GUCY1A2: variants seen among roughly 807,000 people sequenced by gnomAD.
GUCY1A2 encodes the protein guanylate cyclase 1 soluble subunit alpha 2.
A neutral mutation model predicts 63.5 loss-of-function variants in GUCY1A2; 27 were observed. That is an observed-to-expected ratio of 0.43 (90% CI 0.31 to 0.59). The LOEUF (loss-of-function observed/expected upper bound fraction) is 0.59, where lower values mean the gene tolerates loss of function less well. GUCY1A2 is among the 20% of genes least tolerant of loss of function. GUCY1A2 has a pLI of 0.11. For missense variants in GUCY1A2, 768 were observed against 913.3 expected (o/e 0.84, Z 2.05); for synonymous variants, 364 against 343.5 (o/e 1.06, Z -0.66).
intron 6 of GUCY1A2, among the ~76,000 whole-genome samples, chr11:106,732,748 A>T (rs1375642854): frequency 6.6e-6 from 1 of 152,206 alleles, no homozygotes; most frequent in African/African-American, 2.4e-5. Context: ...AAATTAAGGA[A>T]TGAAATATGA....
intron 4 of GUCY1A2, among the ~76,000 whole-genome samples, chr11:106,821,345 TC>T (rs1858900761): frequency 6.6e-6 from 1 of 152,210 alleles, no homozygotes; most frequent in African/African-American, 2.4e-5. Context: ...CTGCCTTTTT[TC>T]CCACAGGGTG....
At chr11:106,894,810 A>T (rs1481832955) in intron 4 of GUCY1A2, among the ~76,000 whole-genome samples, 1 of 152,286 alleles carries the variant, frequency 6.6e-6, no homozygotes, top group African/African-American at 2.4e-5. Flanking sequence ...AGGAGAAAAG[A>T]TCTAAGATCA....
intron 3 of GUCY1A2, among the ~76,000 whole-genome samples, chr11:106,955,267 C>A (rs1006559152): frequency 2.0e-5 from 3 of 152,154 alleles, no homozygotes; most frequent in South Asian, 4.1e-4. Context: ...CCACCATGCC[C>A]GGCCCAGTCT....
intron 1 of GUCY1A2, among the ~76,000 whole-genome samples, chr11:106,987,349 C>T (rs908759005): frequency 2.0e-5 from 3 of 152,156 alleles, no homozygotes; most frequent in Non-Finnish European, 2.9e-5. Context: ...AAAAATATAT[C>T]GTCTAAAGGA....
intron 7 of GUCY1A2, among the ~76,000 whole-genome samples, chr11:106,704,204 G>A (rs1057404468): frequency 6.6e-6 from 1 of 152,134 alleles, no homozygotes; most frequent in Non-Finnish European, 1.5e-5. Flanking sequence ...TAAATTATGA[G>A]ATTCAAGTGA....
At chr11:106,723,487 G>T (rs1863352888) in intron 6 of GUCY1A2, among the ~76,000 whole-genome samples, 1 of 152,106 alleles carries the variant, frequency 6.6e-6, no homozygotes, top group Admixed American at 6.6e-5. Flanking sequence ...AATATTCCAA[G>T]CACCCACCAG....
At chr11:106,917,796 G>A (rs1205879947) in intron 4 of GUCY1A2, among the ~76,000 whole-genome samples, 2 of 99,908 alleles carry the variant, frequency 2.0e-5, no homozygotes, top group African/African-American at 3.3e-5. Flanking sequence ...CCTGTTGTGG[G>A]GTGGGGGGAG....
At chr11:106,968,717 A>G (rs914839993) in intron 3 of GUCY1A2, among the ~76,000 whole-genome samples, 2 of 3,574 alleles carry the variant, frequency 5.6e-4, no homozygotes, top group African/African-American at 2.9e-3. Context: ...AATGAAGCCT[A>G]GTCCTCACAT....
intron 4 of GUCY1A2, among the ~76,000 whole-genome samples, chr11:106,849,916 T>C (rs1859328882): frequency 6.6e-6 from 1 of 151,770 alleles, no homozygotes; most frequent in South Asian, 2.1e-4. Flanking sequence ...ATTAACCCAT[T>C]CAAAGTATAC....
intron 5 of GUCY1A2, among the ~76,000 whole-genome samples, chr11:106,784,428 T>C (rs1483629739): frequency 6.6e-6 from 1 of 151,900 alleles, no homozygotes; most frequent in Non-Finnish European, 1.5e-5. Context: ...AAAATTGCCA[T>C]ACCTCGGTCT....
At chr11:106,898,924 T>C (rs1591319004) in intron 4 of GUCY1A2, among the ~76,000 whole-genome samples, 1 of 152,288 alleles carries the variant, frequency 6.6e-6, no homozygotes, top group African/African-American at 2.4e-5. Flanking sequence ...AGAATGTTGA[T>C]AATAGAAGGC....
intron 4 of GUCY1A2, among the ~76,000 whole-genome samples, chr11:106,891,873 G>T (rs1302212229): frequency 6.6e-6 from 1 of 152,010 alleles, no homozygotes; most frequent in East Asian, 1.9e-4. Flanking sequence ...AAATGTCTTA[G>T]CTAACCTAAG....
At chr11:106,791,280 T>TG (rs1864655171) in intron 5 of GUCY1A2, among the ~76,000 whole-genome samples, 1 of 152,176 alleles carries the variant, frequency 6.6e-6, no homozygotes, top group Non-Finnish European at 1.5e-5. Flanking sequence ...ATACAAAGTC[T>TG]CACAATCACT....
At chr11:106,718,168 C>G (rs1863249690) in intron 6 of GUCY1A2, among the ~76,000 whole-genome samples, 2 of 152,088 alleles carry the variant, frequency 1.3e-5, no homozygotes, top group Admixed American at 1.3e-4. Context: ...TACAGAAGCA[C>G]CATTCATAGA....
intron 6 of GUCY1A2, among the ~76,000 whole-genome samples, chr11:106,731,172 C>T (rs1048119517): frequency 2.6e-5 from 4 of 152,024 alleles, no homozygotes; most frequent in Admixed American, 6.6e-5. Context: ...TTTGCCCAGT[C>T]TTATGTCTGA....
intron 6 of GUCY1A2, among the ~76,000 whole-genome samples, chr11:106,745,657 T>C (rs1863775161): frequency 6.6e-6 from 1 of 152,214 alleles, no homozygotes; most frequent in African/African-American, 2.4e-5. Context: ...ATTCCATAAA[T>C]AATGACTAAC....
intron 5 of GUCY1A2, among the ~76,000 whole-genome samples, chr11:106,803,136 T>C (rs975071274): frequency 6.6e-5 from 10 of 152,162 alleles, no homozygotes; most frequent in Non-Finnish European, 5.9e-5. Context: ...TCTCTGAATA[T>C]AGAAGAAAAA....
chr11:106,749,350 T>C (rs980021521), intron 6 of GUCY1A2, among the ~76,000 whole-genome samples: 1 of 152,112 alleles, frequency 6.6e-6, no homozygotes, highest in Non-Finnish European at 1.5e-5. Flanking sequence ...CTATTGTTTT[T>C]GGTGCTATTT....
chr11:106,678,334 A>G lies in GUCY1A2; in HGVS notation c.*9215T>C, dbSNP rs1410980030. On this transcript the variant is annotated 3_prime_UTR_variant, in exon 8 of 8. Transcript: ENST00000526355. ...GTAATTTTTACCAAAAAAATTCAGA[A>G]GGAGGGTTTCACATTATTGATAAAT... 4.8e-6 allele frequency: 1 copy of G among 208,030 alleles called. No homozygotes were observed. The highest frequency in any genetic ancestry group is 9.8e-6 in the Non-Finnish European group (1 of 102,120). 12.9% of individuals were successfully genotyped at this position (208,030 alleles called of 1,614,324 possible). A position where few individuals can be genotyped will look rare whatever the true frequency, so the allele number is the denominator to read the frequency against.
Sources: allele counts gnomAD v4.1 joint callset (sites outside exome capture counted in the v4.1 genomes callset), GRCh38; gene constraint gnomAD v4.1.1; transcripts MANE v1.5; gene names NCBI Gene and HGNC (gene_info 2026-07-23, HGNC 2026-07-21).